Variants in SLC16A10 observed in about 807,000 individuals in gnomAD.
The protein encoded by SLC16A10 is monocarboxylate transporter 10.
SLC16A10 carries 27 observed loss-of-function variants against 40.0 expected under a neutral mutation model. The observed-to-expected ratio is 0.67, with a 90% CI of 0.50 to 0.93. SLC16A10 has a LOEUF of 0.93. Ranked by LOEUF, SLC16A10 falls within the 40% of genes least tolerant of loss-of-function variation. The probability of loss-of-function intolerance (pLI) is 0.00; values close to 1 mark genes in which losing one functional copy is unlikely to be tolerated. For synonymous variants in SLC16A10, 213 were observed against 249.8 expected (o/e 0.85, Z 1.39); for missense variants, 529 against 658.2 (o/e 0.80, Z 2.15).
At chr6:111,210,432 T>A (rs1257596066) in intron 4 of SLC16A10, among the ~76,000 whole-genome samples, 1 of 152,204 alleles carries the variant, frequency 6.6e-6, no homozygotes, top group Non-Finnish European at 1.5e-5. Flanking sequence ...TCATCTAACA[T>A]TTAGTTTTGT....
chr6:111,155,197 CTTTT>C (rs33948560), intron 1 of SLC16A10, among the ~76,000 whole-genome samples: 6 of 119,178 alleles, frequency 5.0e-5, no homozygotes, highest in African/African-American at 6.2e-5. Context: ...TTCAACAGGA[CTTTT>C]TTTTTTTTTT....
rs189579759 is a variant in SLC16A10, at chr6:111,163,877, C to T, written c.344-8818C>T. Among the ~76,000 whole-genome samples the T allele has an allele frequency of 2.5e-3, 384 of 152,298 alleles. 2 individuals are homozygous for T. The highest frequency in any genetic ancestry group is 8.7e-3 in the African/African-American group (363 of 41,566). ...GAAGACAGCTTTCCAAACAAACAAT[C>T]CATCTCTGGTCTCTCCCACACCCTT... is the stretch of plus-strand genomic sequence containing the variant. On this transcript the variant is annotated intron_variant, in intron 1 of 5. Transcript: ENST00000368851.
intron 3 of SLC16A10, among the ~76,000 whole-genome samples, chr6:111,191,240 A>G (rs569281318): frequency 1.3e-4 from 20 of 152,064 alleles, no homozygotes; most frequent in Non-Finnish European, 2.1e-4. Context: ...TGATTGTTCA[A>G]TTCCCACTTA....
chr6:111,215,896 A>C (rs1773413892), intron 4 of SLC16A10, among the ~76,000 whole-genome samples: 1 of 152,092 alleles, frequency 6.6e-6, no homozygotes, highest in Non-Finnish European at 1.5e-5. Context: ...TTGGGAGACT[A>C]AAGTGGGAGG....
At chr6:111,194,253 T>G (rs1271810865) in intron 3 of SLC16A10, among the ~76,000 whole-genome samples, 1 of 152,192 alleles carries the variant, frequency 6.6e-6, no homozygotes, top group Admixed American at 6.5e-5. Context: ...CTTCAATGTA[T>G]AATAAGGTGA....
chr6:111,191,811 A>G (rs1384612360), intron 3 of SLC16A10, among the ~76,000 whole-genome samples: 1 of 152,146 alleles, frequency 6.6e-6, no homozygotes, highest in Non-Finnish European at 1.5e-5. Flanking sequence ...GGCTGCAAAA[A>G]TGTCTTCTTT....
chr6:111,093,739 C>T (rs758930809), intron 1 of SLC16A10, among the ~76,000 whole-genome samples: 28 of 152,080 alleles, frequency 1.8e-4, no homozygotes, highest in Admixed American at 5.9e-4. Context: ...GGTTCATGGT[C>T]CTATACATCT....
rs1157692734 is a variant in SLC16A10 at position 111,227,001 on chromosome 6, C to CT, written c.*4767dup. On this transcript the variant is annotated 3_prime_UTR_variant, in exon 6 of 6. Coordinates refer to ENST00000368851, the MANE Select transcript of SLC16A10 (RefSeq NM_018593.5). ...ATTTAGCCAGCTTGGTGGCACATGC[C>CT]TGTAGTCCCAGCTACTCAGGAGGCT... 2 of 152,338 alleles carry CT rather than the reference C, an allele frequency of 1.3e-5. No homozygotes were observed. The highest frequency in any genetic ancestry group is 2.9e-5 in the Non-Finnish European group (2 of 68,160). The allele number at this position is 152,338 out of a possible 1,614,324, so 9.4% of individuals were successfully genotyped here. A position where few individuals can be genotyped will look rare whatever the true frequency, so the allele number is the denominator to read the frequency against.
At chr6:111,155,953 T>C (rs1397761247) in intron 1 of SLC16A10, among the ~76,000 whole-genome samples, 1 of 152,148 alleles carries the variant, frequency 6.6e-6, no homozygotes, top group Non-Finnish European at 1.5e-5. Context: ...CTGATGATAA[T>C]ATATAAGATT....
intron 3 of SLC16A10, chr6:111,178,557 GAAAA>G (rs150694490): frequency 1.1e-5 from 3 of 284,998 alleles, no homozygotes; most frequent in East Asian, 2.2e-4. Context: ...CCTGGGGAAG[GAAAA>G]AAAAAAAAGA....
intron 1 of SLC16A10, among the ~76,000 whole-genome samples, chr6:111,158,662 TG>T (rs1772317069): frequency 6.6e-6 from 1 of 152,184 alleles, no homozygotes; most frequent in African/African-American, 2.4e-5. Context: ...TTCGAAGATC[TG>T]AAAATTAACT....
At chr6:111,127,119 G>T (rs1326313420) in intron 1 of SLC16A10, among the ~76,000 whole-genome samples, 1 of 152,188 alleles carries the variant, frequency 6.6e-6, no homozygotes, top group Non-Finnish European at 1.5e-5. Context: ...ATTGTGCTAG[G>T]CATCAGGAGC....
intron 1 of SLC16A10, among the ~76,000 whole-genome samples, chr6:111,107,631 A>G (rs1325605339): frequency 2.6e-5 from 4 of 152,212 alleles, no homozygotes; most frequent in African/African-American, 9.6e-5. Flanking sequence ...CCTGTGGCAT[A>G]TGTCTGAAGG....
intron 1 of SLC16A10, among the ~76,000 whole-genome samples, chr6:111,121,321 G>T (rs111585749): frequency 1.3e-5 from 2 of 152,220 alleles, no homozygotes; most frequent in African/African-American, 4.8e-5. Context: ...CGGCACTTTG[G>T]GGGGCTGAGT....
chr6:111,206,775 CTCA>C, intron 4 of SLC16A10, 40 bp downstream of exon 4: 1 of 1,598,340 alleles, frequency 6.3e-7, no homozygotes, highest in Middle Eastern at 1.7e-4. Context: ...AAAAATTACT[CTCA>C]TCACCCGATG....
At chr6:111,157,441 G>A (rs1170568441) in intron 1 of SLC16A10, among the ~76,000 whole-genome samples, 8 of 151,764 alleles carry the variant, frequency 5.3e-5, no homozygotes, top group East Asian at 3.9e-4. Context: ...CTGCCACTAC[G>A]CCCAGCTAAT....
intron 1 of SLC16A10, among the ~76,000 whole-genome samples, chr6:111,089,363 C>T (rs1239163789): frequency 6.6e-6 from 1 of 152,142 alleles, no homozygotes; most frequent in Non-Finnish European, 1.5e-5. Flanking sequence ...AAATTCTTTC[C>T]ATTTTAACTT....
chr6:111,156,486 G>T (rs1772272751), intron 1 of SLC16A10, among the ~76,000 whole-genome samples: 1 of 152,268 alleles, frequency 6.6e-6, no homozygotes, highest in Admixed American at 6.5e-5. Context: ...TTGTGTAGTC[G>T]TGCTTCCAAA....
At chr6:111,115,247 T>A (rs1771464284) in intron 1 of SLC16A10, among the ~76,000 whole-genome samples, 3 of 150,682 alleles carry the variant, frequency 2.0e-5, no homozygotes, top group Non-Finnish European at 3.0e-5. Context: ...AGATGAAGTC[T>A]CCGCCCAGGC....
Sources: gnomAD v4.1 joint callset for allele counts (sites outside exome capture counted in the v4.1 genomes callset) on GRCh38, gnomAD v4.1.1 for gene constraint, MANE v1.5 for transcripts, NCBI Gene and HGNC (gene_info 2026-07-23, HGNC 2026-07-21) for gene names.